The following DLGAP2 variants were observed in gnomAD, a reference collection of about 807,000 sequenced individuals.
DLGAP2 encodes disks large-associated protein 2.
DLGAP2 carries 26 observed loss-of-function variants against 100.3 expected under a neutral mutation model. The observed-to-expected ratio is 0.26, with a 90% CI of 0.19 to 0.36. The LOEUF (loss-of-function observed/expected upper bound fraction) is 0.36. DLGAP2 is among the 10% of genes least tolerant of loss of function. The pLI is 1.00. For missense variants in DLGAP2, 1,858 were observed against 1,453.2 expected (o/e 1.28, Z -4.53); for synonymous variants, 886 against 630.1 (o/e 1.41, Z -6.08).
intron 2 of DLGAP2, among the ~76,000 whole-genome samples, chr8:1,201,353 G>C (rs57002190): frequency 0.058 from 8,829 of 152,240 alleles, 855 homozygotes; most frequent in African/African-American, 0.2. Flanking sequence ...CCCGCTCAGG[G>C]GCCGTGGGGC....
intron 3 of DLGAP2, among the ~76,000 whole-genome samples, chr8:1,470,777 T>C (rs78574669): frequency 0.042 from 1,959 of 46,740 alleles, 176 homozygotes; most frequent in East Asian, 0.092. Flanking sequence ...CTTTCCCGAC[T>C]CCCCCAGCCT....
chr8:855,425 G>C (rs1037366193), intron 1 of DLGAP2, among the ~76,000 whole-genome samples: 1 of 152,294 alleles, frequency 6.6e-6, no homozygotes, highest in East Asian at 1.9e-4. Flanking sequence ...GAATGAATGA[G>C]TGACTAAAGA....
chr8:1,442,668 T>C (rs1441975739), intron 3 of DLGAP2, among the ~76,000 whole-genome samples: 1 of 145,672 alleles, frequency 6.9e-6, no homozygotes, highest in Non-Finnish European at 1.5e-5. Flanking sequence ...GATCCGGGCA[T>C]AGACCCGCCA....
At chr8:1,696,174 G>C (rs1799393801) in intron 13 of DLGAP2, among the ~76,000 whole-genome samples, 1 of 152,162 alleles carries the variant, frequency 6.6e-6, no homozygotes, top group African/African-American at 2.4e-5. Flanking sequence ...ACTGAATCAA[G>C]GGAGCCACAC....
chr8:1,036,501 G>A (rs4735970), intron 2 of DLGAP2, among the ~76,000 whole-genome samples: 1 of 152,034 alleles, frequency 6.6e-6, no homozygotes, highest in Non-Finnish European at 1.5e-5. Flanking sequence ...GTCGGGGGAG[G>A]TTCTCTGCTT....
In DLGAP2 at chr8:1,320,494, C is replaced by T. The variant is rs1403298777; in HGVS notation, c.106+61611C>T. ...GGGAAGGCATCAGGAGCCGGGCAGA[C>T]GGGTGAACGGGCAACATACGGGCAC... On this transcript the variant is annotated intron_variant, in intron 3 of 14. Coordinates refer to ENST00000637795, the MANE Select transcript of DLGAP2 (RefSeq NM_001346810.2). Among the ~76,000 whole-genome samples, 7 of 152,284 alleles carry T rather than the reference C, an allele frequency of 4.6e-5. No individual in the cohort carries two copies. In the South Asian group the frequency reaches 6.2e-4, roughly 14 times the overall value.
chr8:1,538,441 T>C (rs1250705438), intron 4 of DLGAP2, among the ~76,000 whole-genome samples: 1 of 152,160 alleles, frequency 6.6e-6, no homozygotes, highest in African/African-American at 2.4e-5. Context: ...GGAGAGGAAA[T>C]GAAGAACATA....
chr8:1,202,622 G>A (rs968866266), intron 2 of DLGAP2, among the ~76,000 whole-genome samples: 1 of 152,162 alleles, frequency 6.6e-6, no homozygotes. Context: ...ACAGTCACAG[G>A]CAGAGGCTCT....
At chr8:744,643 C>G (rs1183679181) in intron 1 of DLGAP2, among the ~76,000 whole-genome samples, 1 of 148,736 alleles carries the variant, frequency 6.7e-6, no homozygotes, top group Non-Finnish European at 1.5e-5. Flanking sequence ...GGGGTGCTGG[C>G]TGTCTGCTCC....
intron 3 of DLGAP2, among the ~76,000 whole-genome samples, chr8:1,295,656 G>GT (rs1373732937): frequency 6.6e-6 from 1 of 152,162 alleles, no homozygotes; most frequent in East Asian, 1.9e-4. Context: ...GAAGTGTTTC[G>GT]TAAAAGCCAA....
At chr8:1,501,675 C>A (rs942679463) in intron 4 of DLGAP2, among the ~76,000 whole-genome samples, 1 of 152,236 alleles carries the variant, frequency 6.6e-6, no homozygotes, top group African/African-American at 2.4e-5. Context: ...TTCACATAAA[C>A]GATGCATGTC....
rs552136104 is a variant in DLGAP2, at chr8:996,290, T to TG, written c.73+88331dup. 5.1e-4 allele frequency among the ~76,000 whole-genome samples: 78 copies of TG among 152,248 alleles called. 1 individual carries two copies. Among genetic ancestry groups the TG allele is most frequent in the African/African-American group, 1.7e-3 (70 of 41,550 alleles). On this transcript the variant is annotated intron_variant, in intron 2 of 14. Transcript: ENST00000637795. ...CCCCAGAATCACTCAGGTTTCTTTC[T>TG]GGGGGGGTCATTCCTGTCGTTTAGA...
intron 2 of DLGAP2, among the ~76,000 whole-genome samples, chr8:1,047,498 C>G (rs745801353): frequency 6.6e-6 from 1 of 152,214 alleles, no homozygotes; most frequent in Non-Finnish European, 1.5e-5. Flanking sequence ...CAGTGAGTCT[C>G]CTCACATCTT....
chr8:1,427,696 T>G (rs1259967329), intron 3 of DLGAP2, among the ~76,000 whole-genome samples: 3 of 152,316 alleles, frequency 2.0e-5, no homozygotes, highest in African/African-American at 2.4e-5. Flanking sequence ...AATGGGAGTT[T>G]CCCTGTACAA....
intron 1 of DLGAP2, among the ~76,000 whole-genome samples, chr8:789,689 A>G (rs2132637572): frequency 6.6e-6 from 1 of 152,366 alleles, no homozygotes; most frequent in South Asian, 2.1e-4. Context: ...GCAGACACTT[A>G]CTGTAACTCC....
At chr8:1,253,109 A>G (rs1029912346) in intron 2 of DLGAP2, among the ~76,000 whole-genome samples, 1 of 152,192 alleles carries the variant, frequency 6.6e-6, no homozygotes, top group African/African-American at 2.4e-5. Context: ...GGCTTCCTGT[A>G]GAAGGAGCAC....
chr8:890,326 G>T (rs1163782162), intron 1 of DLGAP2, among the ~76,000 whole-genome samples: 1 of 152,134 alleles, frequency 6.6e-6, no homozygotes, highest in African/African-American at 2.4e-5. Context: ...CAGAGCGTTT[G>T]TGACCACTTG....
intron 1 of DLGAP2, among the ~76,000 whole-genome samples, chr8:878,580 T>G (rs1408481651): frequency 6.6e-6 from 1 of 152,146 alleles, no homozygotes; most frequent in Non-Finnish European, 1.5e-5. Context: ...TTTGGTATGG[T>G]TGGTCCTCAC....
At chr8:844,132 C>T (rs951487195) in intron 1 of DLGAP2, among the ~76,000 whole-genome samples, 3 of 152,048 alleles carry the variant, frequency 2.0e-5, no homozygotes, top group African/African-American at 7.2e-5. Context: ...GAAGAGTATT[C>T]GTCAGCTCTG....
Sources: allele counts gnomAD v4.1 joint callset (sites outside exome capture counted in the v4.1 genomes callset), GRCh38; gene constraint gnomAD v4.1.1; transcripts MANE v1.5; gene names NCBI Gene and HGNC (gene_info 2026-07-23, HGNC 2026-07-21).